MTUS2: variants seen among roughly 807,000 people sequenced by gnomAD.
MTUS2 encodes the protein microtubule-associated tumor suppressor candidate 2.
In MTUS2, 40 loss-of-function variants were observed where a neutral mutation model predicts 114.1. The ratio of observed to expected loss-of-function variants is 0.35; its 90% CI spans 0.27 to 0.46. The LOEUF (loss-of-function observed/expected upper bound fraction) is 0.46. Among genes scored for constraint, MTUS2 ranks in the 20% least tolerant of loss-of-function variants. The pLI is 1.00. For synonymous variants in MTUS2, 688 were observed against 672.0 expected (o/e 1.02, Z -0.37); for missense variants, 1,679 against 1,705.4 (o/e 0.98, Z 0.27).
At chr13:29,084,662 C>G (rs35989418) in intron 4 of MTUS2, among the ~76,000 whole-genome samples, 1 of 151,872 alleles carries the variant, frequency 6.6e-6, no homozygotes, top group Non-Finnish European at 1.5e-5. Flanking sequence ...TTCAGCCTCC[C>G]TAGGAGCTGG....
intron 8 of MTUS2, among the ~76,000 whole-genome samples, chr13:29,368,334 T>C (rs1870916349): frequency 6.6e-6 from 1 of 152,008 alleles, no homozygotes; most frequent in African/African-American, 2.4e-5. Context: ...CTCCAGGAAG[T>C]GCAAGGTGGC....
intron 9 of MTUS2, among the ~76,000 whole-genome samples, chr13:29,463,101 G>T (rs1262347043): frequency 2.6e-5 from 4 of 152,144 alleles, no homozygotes; most frequent in African/African-American, 7.2e-5. Context: ...AGAGAGATTT[G>T]CTAATTTGCA....
At chr13:29,136,865 C>T (rs1892000786) in intron 5 of MTUS2, among the ~76,000 whole-genome samples, 1 of 152,198 alleles carries the variant, frequency 6.6e-6, no homozygotes, top group African/African-American at 2.4e-5. Flanking sequence ...TAGTACTTGG[C>T]AACTGGCATC....
intron 11 of MTUS2, 52 bp downstream of exon 11, chr13:29,488,057 C>A: frequency 7.2e-7 from 1 of 1,392,164 alleles, no homozygotes; most frequent in Non-Finnish European, 1.0e-6. Context: ...GCAATCCGAG[C>A]CTTTCCTGCT....
At chr13:29,283,131 T>C (rs1287093618) in intron 6 of MTUS2, among the ~76,000 whole-genome samples, 1 of 152,212 alleles carries the variant, frequency 6.6e-6, no homozygotes, top group Non-Finnish European at 1.5e-5. Flanking sequence ...ATAGGTGTTA[T>C]CCCTTTCTAG....
chr13:29,048,727 T>C (rs1420474817), intron 4 of MTUS2, among the ~76,000 whole-genome samples: 2 of 152,040 alleles, frequency 1.3e-5, no homozygotes, highest in African/African-American at 4.8e-5. Flanking sequence ...GCCTCAGCCT[T>C]CCAAAGTTCT....
intron 8 of MTUS2, among the ~76,000 whole-genome samples, chr13:29,371,618 G>A (rs11840030): frequency 0.032 from 4,881 of 152,204 alleles, 242 homozygotes; most frequent in African/African-American, 0.11. Context: ...TTCATAAAAT[G>A]TTTCTGAAAA....
intron 4 of MTUS2, 60 bp from the exon 5 acceptor site, chr13:29,100,713 A>T: frequency 2.0e-6 from 3 of 1,521,316 alleles, no homozygotes; most frequent in Non-Finnish European, 2.7e-6. Flanking sequence ...TAATCTGTAG[A>T]ATTCATTATC....
chr13:28,844,684 T>A (rs1185674138), intron 2 of MTUS2, among the ~76,000 whole-genome samples: 1 of 152,116 alleles, frequency 6.6e-6, no homozygotes, highest in Non-Finnish European at 1.5e-5. Context: ...TGGCATGATC[T>A]AGGCTCACTG....
At chr13:29,313,985 C>T (rs1899882389) in intron 6 of MTUS2, among the ~76,000 whole-genome samples, 3 of 152,128 alleles carry the variant, frequency 2.0e-5, no homozygotes, top group Admixed American at 2.0e-4. Context: ...ATGAAGAAAT[C>T]TTCAGCTTTG....
rs113473690 is a variant in MTUS2 at position 29,266,514 on chromosome 13, A to T, written c.2645-15190A>T. On this transcript the variant is annotated intron_variant, in intron 5 of 15. Transcript: ENST00000612955. ...GAGTAGTGGTGCTTTGGCAGAAATT[A>T]TCCCCCCCACACACCAAATAAAACC... Among the ~76,000 whole-genome samples the T allele has an allele frequency of 5.3e-3, 812 of 152,316 alleles. 8 individuals carry two copies. The highest frequency in any genetic ancestry group is 0.019 in the African/African-American group (773 of 41,570).
chr13:29,020,549 G>T (rs1886250599), intron 2 of MTUS2, among the ~76,000 whole-genome samples: 1 of 152,184 alleles, frequency 6.6e-6, no homozygotes, highest in African/African-American at 2.4e-5. Flanking sequence ...AAGCTGACAG[G>T]AAACATGACT....
intron 5 of MTUS2, among the ~76,000 whole-genome samples, chr13:29,236,139 T>A (rs1014475379): frequency 6.6e-6 from 1 of 152,178 alleles, no homozygotes; most frequent in Non-Finnish European, 1.5e-5. Context: ...TCCTCTAATT[T>A]ATTGTTATTT....
chr13:28,832,774 T>TAAAAA (rs60422185), intron 1 of MTUS2, among the ~76,000 whole-genome samples: 14 of 150,024 alleles, frequency 9.3e-5, no homozygotes, highest in East Asian at 1.9e-4. Context: ...AGAAAAACAA[T>TAAAAA]AAAATCAATA....
At chr13:29,046,003 ATTGT>A (rs1015623070) in intron 4 of MTUS2, among the ~76,000 whole-genome samples, 1 of 152,114 alleles carries the variant, frequency 6.6e-6, no homozygotes, top group African/African-American at 2.4e-5. Flanking sequence ...TTGAGAAAGA[ATTGT>A]TTATGTTCCC....
chr13:28,919,652 A>T (rs1197249349), intron 2 of MTUS2, among the ~76,000 whole-genome samples: 1 of 152,164 alleles, frequency 6.6e-6, no homozygotes, highest in South Asian at 2.1e-4. Context: ...CCCTTTGAAT[A>T]AACTTTCTAC....
intron 3 of MTUS2, 119 bp from the exon 4 acceptor site, chr13:29,033,766 G>A (rs1388174067): frequency 1.6e-6 from 2 of 1,256,788 alleles, no homozygotes; most frequent in Non-Finnish European, 2.2e-6. Context: ...GGGGACTTGT[G>A]ATCAAGCAGC....
chr13:29,148,639 C>T (rs1400851049), intron 5 of MTUS2, among the ~76,000 whole-genome samples: 4 of 115,084 alleles, frequency 3.5e-5, no homozygotes, highest in Admixed American at 9.5e-5. Flanking sequence ...CCACCACGCC[C>T]GGCTAATTTT....
intron 7 of MTUS2, among the ~76,000 whole-genome samples, chr13:29,337,046 A>C (rs9506146): frequency 0.19 from 28,587 of 152,120 alleles, 2,772 homozygotes; most frequent in Middle Eastern, 0.22. Context: ...TGGCAGCGAG[A>C]ATTTCAAGCC....
Sources: allele counts gnomAD v4.1 joint callset (sites outside exome capture counted in the v4.1 genomes callset), GRCh38; gene constraint gnomAD v4.1.1; transcripts MANE v1.5; gene names NCBI Gene and HGNC (gene_info 2026-07-23, HGNC 2026-07-21).